Variants in DTNB observed in about 807,000 individuals in gnomAD.
DTNB encodes the protein DTN-B.
Under a neutral mutation model 90.7 loss-of-function variants are expected in DTNB, and 63 were observed. The ratio of observed to expected loss-of-function variants is 0.69; its 90% CI spans 0.57 to 0.86. The LOEUF is 0.86. Ranked by LOEUF, DTNB falls within the 40% of genes least tolerant of loss-of-function variation. The pLI is 0.00. For missense variants in DTNB, 744 were observed against 807.1 expected (o/e 0.92, Z 0.95); for synonymous variants, 277 against 286.7 (o/e 0.97, Z 0.34).
intron 14 of DTNB, among the ~76,000 whole-genome samples, chr2:25,432,143 A>C (rs1324179788): frequency 6.6e-6 from 1 of 152,136 alleles, no homozygotes; most frequent in African/African-American, 2.4e-5. Flanking sequence ...TTGAAAATCT[A>C]GAAATCTGGT....
intron 11 of DTNB, among the ~76,000 whole-genome samples, chr2:25,454,312 T>A (rs1249536920): frequency 6.6e-6 from 1 of 152,094 alleles, no homozygotes; most frequent in Non-Finnish European, 1.5e-5. Context: ...CCCAACTGAC[T>A]ATTAATTTAT....
chr2:25,609,733 C>A (rs1395303720), intron 4 of DTNB, among the ~76,000 whole-genome samples: 1 of 147,118 alleles, frequency 6.8e-6, no homozygotes. Flanking sequence ...AAGGCTTAGG[C>A]CCAACCCTTA....
chr2:25,556,250 A>T (rs2057344882), intron 8 of DTNB, among the ~76,000 whole-genome samples: 2 of 141,758 alleles, frequency 1.4e-5, no homozygotes, highest in South Asian at 2.2e-4. Flanking sequence ...AAATCCTAGT[A>T]TACTTGGTAC....
chr2:25,468,635 G>C (rs1014235518), intron 10 of DTNB, among the ~76,000 whole-genome samples: 5 of 152,138 alleles, frequency 3.3e-5, no homozygotes, highest in African/African-American at 1.2e-4. Context: ...AGTTAAATCA[G>C]GGTCAAGTGC....
At chr2:25,574,295 G>C (rs2060326787) in intron 8 of DTNB, among the ~76,000 whole-genome samples, 1 of 152,084 alleles carries the variant, frequency 6.6e-6, no homozygotes, top group African/African-American at 2.4e-5. Context: ...GCACACAGTA[G>C]GTGTTTAAAA....
intron 6 of DTNB, among the ~76,000 whole-genome samples, chr2:25,591,209 T>A (rs1225011199): frequency 6.6e-6 from 1 of 152,210 alleles, no homozygotes; most frequent in Non-Finnish European, 1.5e-5. Context: ...AAGGGCAGCC[T>A]TCCCAGGCCC....
At chr2:25,383,000 C>T (rs781509024) in intron 19 of DTNB, among the ~76,000 whole-genome samples, 9 of 152,064 alleles carry the variant, frequency 5.9e-5, no homozygotes, top group African/African-American at 1.9e-4. Context: ...TAAGCAGGTT[C>T]GATATATAAT....
intron 10 of DTNB, among the ~76,000 whole-genome samples, chr2:25,480,360 A>G (rs186764436): frequency 6.6e-6 from 1 of 152,336 alleles, no homozygotes; most frequent in Admixed American, 6.5e-5. Flanking sequence ...TTCCACCAGA[A>G]AGAGTGGCTA....
At chr2:25,666,047 A>G (rs185855895) in intron 1 of DTNB, among the ~76,000 whole-genome samples, 1 of 152,334 alleles carries the variant, frequency 6.6e-6, no homozygotes, top group East Asian at 1.9e-4. Flanking sequence ...CTATTCAAAT[A>G]TAGTGAAGTT....
chr2:25,543,155 C>G (rs2081643731), intron 8 of DTNB, among the ~76,000 whole-genome samples: 1 of 152,062 alleles, frequency 6.6e-6, no homozygotes, highest in South Asian at 2.1e-4. Flanking sequence ...GCCTTAAAAT[C>G]CTTTTTCTAA....
chr2:25,594,215 C>CG lies in DTNB; in HGVS notation c.603+1870dup, dbSNP rs538870138. ...CTCACATCATTTGAAAATGCATATT[C>CG]GGGGGGGAAAATGTGAACTATGTTT... On this transcript the variant is annotated intron_variant, in intron 6 of 20. Coordinates refer to ENST00000406818, the MANE Select transcript of DTNB (RefSeq NM_021907.5). Among the ~76,000 whole-genome samples the CG allele has an allele frequency of 1.7e-4, 26 of 152,116 alleles. No homozygotes were observed. In the East Asian group the frequency reaches 2.7e-3, roughly 16 times the overall value.
intron 12 of DTNB, among the ~76,000 whole-genome samples, chr2:25,446,621 T>C (rs577286952): frequency 2.1e-4 from 32 of 152,294 alleles, no homozygotes; most frequent in African/African-American, 7.7e-4. Context: ...AGAAATCTAG[T>C]AGTGAATCCC....
At position 25,387,273 on chromosome 2, in the gene DTNB, G is replaced by A. The variant is rs757224296; in HGVS notation, c.1825+16C>T. ...CAGGGGAGGCCAGGAAGCTGGCTGG[G>A]AGCTCTGGGTTTCACCTGAATGGAG... On this transcript the variant is annotated intron_variant, in intron 18 of 20. Coordinates refer to ENST00000406818, the MANE Select transcript of DTNB (RefSeq NM_021907.5). The surrounding 1 kb of genome is among the most constrained non-coding windows in gnomAD (Gnocchi z 4.5). The A allele has an allele frequency of 5.0e-6, 8 of 1,603,746 alleles. No individual in the cohort carries two copies. The highest frequency in any genetic ancestry group is 5.1e-6 in the Non-Finnish European group (6 of 1,173,404).
At chr2:25,475,319 T>C (rs1031353520) in intron 10 of DTNB, among the ~76,000 whole-genome samples, 1 of 152,196 alleles carries the variant, frequency 6.6e-6, no homozygotes, top group African/African-American at 2.4e-5. Flanking sequence ...GTGGTCTGGA[T>C]AGAAGATCAA....
chr2:25,526,067 G>A (rs2077031627), intron 9 of DTNB, among the ~76,000 whole-genome samples: 1 of 152,090 alleles, frequency 6.6e-6, no homozygotes, highest in Non-Finnish European at 1.5e-5. Flanking sequence ...GGAGCCCCAG[G>A]TGGAGGCAGG....
At chr2:25,533,216 C>G (rs931799826) in intron 8 of DTNB, among the ~76,000 whole-genome samples, 1 of 152,034 alleles carries the variant, frequency 6.6e-6, no homozygotes, top group Non-Finnish European at 1.5e-5. Flanking sequence ...ATCCCAGTGA[C>G]TCGGGAAGCT....
intron 7 of DTNB, among the ~76,000 whole-genome samples, 199 bp downstream of exon 7, chr2:25,580,520 CAA>C (rs367833124): frequency 2.0e-4 from 22 of 112,320 alleles, no homozygotes; most frequent in Admixed American, 2.9e-4. Context: ...GACTCTGTCT[CAA>C]AAAAAAAAAA....
intron 8 of DTNB, among the ~76,000 whole-genome samples, chr2:25,565,191 G>A (rs1255050022): frequency 2.6e-5 from 4 of 152,086 alleles, no homozygotes; most frequent in African/African-American, 9.7e-5. Flanking sequence ...CCTGGTTTTA[G>A]GGGAAAAGCT....
intron 5 of DTNB, among the ~76,000 whole-genome samples, chr2:25,602,071 G>A (rs531012546): frequency 2.0e-5 from 3 of 150,890 alleles, no homozygotes; most frequent in Non-Finnish European, 4.4e-5. Flanking sequence ...GCGGTGAGCC[G>A]AGATCACACC....
Sources: allele counts gnomAD v4.1 joint callset (sites outside exome capture counted in the v4.1 genomes callset), GRCh38; gene constraint gnomAD v4.1.1; non-coding constraint Gnocchi (gnomAD v3.1); transcripts MANE v1.5; gene names NCBI Gene and HGNC (gene_info 2026-07-23, HGNC 2026-07-21).